The following STON2 variants were observed in gnomAD, a reference collection of about 807,000 sequenced individuals.
STON2 encodes stonin 2.
STON2 carries 29 observed loss-of-function variants against 65.7 expected under a neutral mutation model. The observed-to-expected ratio is 0.44, with a 90% confidence interval of 0.33 to 0.60. STON2 has a LOEUF of 0.60. STON2 is among the 20% of genes least tolerant of loss of function. The pLI, the probability that STON2 is intolerant of heterozygous loss-of-function variation, is 0.03. For missense variants in STON2, 1,054 were observed against 1,118.1 expected (o/e 0.94, Z 0.82); for synonymous variants, 404 against 414.2 (o/e 0.98, Z 0.30).
chr14:81,304,219 A>G (rs901762929), intron 5 of STON2, among the ~76,000 whole-genome samples: 21 of 152,102 alleles, frequency 1.4e-4, no homozygotes, highest in African/African-American at 4.8e-4. Flanking sequence ...CCACACACCT[A>G]TTATGGAGGA....
Position 81,260,736 on chromosome 14 carries a change from C to T in STON2, c.*7678G>A, listed in dbSNP as rs1385966568. On this transcript the variant is annotated 3_prime_UTR_variant, in exon 8 of 8. Coordinates refer to ENST00000614646, the MANE Select transcript of STON2 (RefSeq NM_001394390.1). The stretch of plus-strand genomic sequence containing the variant: ...AGTAGAACAACTAAAAACAAAACCT[C>T]ACCTCTACAGAGATAGCCAGTGTGT... 1.3e-5 allele frequency: 2 copies of T among 151,950 alleles called. No homozygotes were observed. Among genetic ancestry groups the T allele is most frequent in the African/African-American group, 4.8e-5 (2 of 41,320 alleles). The allele number at this position is 151,950 out of a possible 1,614,324, so 9.4% of individuals were successfully genotyped here.
chr14:81,310,167 T>C (rs1366537195), intron 5 of STON2, among the ~76,000 whole-genome samples: 1 of 152,200 alleles, frequency 6.6e-6, no homozygotes, highest in African/African-American at 2.4e-5. Context: ...GTCACCCAAC[T>C]TTGGCCAGAA....
At chr14:81,367,458 C>T (rs567539754) in intron 4 of STON2, among the ~76,000 whole-genome samples, 41 of 152,228 alleles carry the variant, frequency 2.7e-4, no homozygotes, top group African/African-American at 9.9e-4. Flanking sequence ...AATACAGGCA[C>T]GAGCCACCAT....
At chr14:81,330,820 A>G (rs1051804478) in intron 4 of STON2, among the ~76,000 whole-genome samples, 5 of 152,220 alleles carry the variant, frequency 3.3e-5, no homozygotes, top group Admixed American at 1.3e-4. Context: ...TGCATGCCCA[A>G]GGATTAGCTG....
upstream of STON2, among the ~76,000 whole-genome samples, chr14:81,405,122 A>G (rs61371894): frequency 0.028 from 4,252 of 152,110 alleles, 205 homozygotes; most frequent in African/African-American, 0.097. Context: ...CTGTATGTCC[A>G]TTTTTTCATT....
At chr14:81,432,548 A>C (rs1902264811) in intron 1 of STON2, among the ~76,000 whole-genome samples, 1 of 152,234 alleles carries the variant, frequency 6.6e-6, no homozygotes, top group Admixed American at 6.5e-5. Flanking sequence ...AAGAAATTAT[A>C]GCTGGAATGA....
At chr14:81,400,610 G>A (rs375179828), upstream of STON2, among the ~76,000 whole-genome samples, 1 of 152,104 alleles carries the variant, frequency 6.6e-6, no homozygotes, top group South Asian at 2.1e-4. Flanking sequence ...AGTGGGGTAG[G>A]GAAGAGAACA....
Position 81,263,537 on chromosome 14 carries a change from C to CAA in STON2, c.*4875_*4876dup, listed in dbSNP as rs59359589. The stretch of plus-strand genomic sequence containing the variant: ...TGGGTGACAGACTGAGACTCCGTCT[C>CAA]AAAAAAAAAAAAAAAAAAAAAAACA... On this transcript the variant is annotated 3_prime_UTR_variant, in exon 8 of 8. Coordinates refer to ENST00000614646, the MANE Select transcript of STON2 (RefSeq NM_001394390.1). 0.021 allele frequency: 1,653 copies of CAA among 80,136 alleles called. 68 individuals are homozygous for CAA. Among genetic ancestry groups the CAA allele is most frequent in the African/African-American group, 0.03 (639 of 20,982 alleles). 5.0% of individuals were successfully genotyped at this position (80,136 alleles called of 1,614,324 possible).
intron 5 of STON2, among the ~76,000 whole-genome samples, chr14:81,319,855 A>C (rs1277461747): frequency 1.3e-5 from 2 of 152,208 alleles, no homozygotes; most frequent in South Asian, 2.1e-4. Context: ...CCAGTGACTG[A>C]ATCTCTTCTA....
At chr14:81,358,542 T>C (rs967358089) in intron 4 of STON2, among the ~76,000 whole-genome samples, 1 of 152,174 alleles carries the variant, frequency 6.6e-6, no homozygotes, top group Admixed American at 6.5e-5. Context: ...GGTAAGTTTT[T>C]ACCTATTAAT....
intron 5 of STON2, among the ~76,000 whole-genome samples, chr14:81,286,684 T>C (rs1039005072): frequency 3.3e-5 from 5 of 152,236 alleles, no homozygotes; most frequent in African/African-American, 9.6e-5. Context: ...TGTATGCCTG[T>C]ACTTAAAACT....
At chr14:81,406,204 T>C (rs1900851147) in intron 2 of STON2, among the ~76,000 whole-genome samples, 1 of 152,216 alleles carries the variant, frequency 6.6e-6, no homozygotes, top group African/African-American at 2.4e-5. Context: ...GACAGCCTAC[T>C]GTGGGACTTC....
chr14:81,292,186 C>T (rs1246587728), intron 5 of STON2, among the ~76,000 whole-genome samples: 2 of 152,160 alleles, frequency 1.3e-5, no homozygotes, highest in African/African-American at 4.8e-5. Flanking sequence ...AACCAGCATT[C>T]CAATTCTGCA....
chr14:81,263,892 T>C lies in STON2; in HGVS notation c.*4522A>G. On this transcript the variant is annotated 3_prime_UTR_variant, in exon 8 of 8. Coordinates refer to ENST00000614646, the MANE Select transcript of STON2 (RefSeq NM_001394390.1). ...ACCACTAAACTTATGGTGAAATATA[T>C]ATCACCTCTGAAATCATGACTTTAT... The C allele has an allele frequency of 1.0e-6, 1 of 985,452 alleles. No individual in the cohort carries two copies. The highest frequency in any genetic ancestry group is 1.2e-6 in the Non-Finnish European group (1 of 829,936). 61.0% of individuals were successfully genotyped at this position (985,452 alleles called of 1,614,324 possible).
At chr14:81,272,546 A>G (rs1374776605) in intron 6 of STON2, among the ~76,000 whole-genome samples, 1 of 152,240 alleles carries the variant, frequency 6.6e-6, no homozygotes. Context: ...CCGCTCTCCA[A>G]GGAAAACATT....
intron 5 of STON2, among the ~76,000 whole-genome samples, chr14:81,288,331 C>T (rs951027523): frequency 1.3e-5 from 2 of 152,122 alleles, no homozygotes; most frequent in African/African-American, 4.8e-5. Flanking sequence ...TGTAGTTACA[C>T]ACACCTAGGT....
At chr14:81,411,070 T>C (rs1901132442) in intron 2 of STON2, among the ~76,000 whole-genome samples, 1 of 152,256 alleles carries the variant, frequency 6.6e-6, no homozygotes, top group African/African-American at 2.4e-5. Context: ...GGTTGCCTTT[T>C]CAGAGACATG....
intron 2 of STON2, 38 bp from the exon 3 acceptor site, chr14:81,396,216 G>C: frequency 1.3e-6 from 2 of 1,558,528 alleles, no homozygotes; most frequent in African/African-American, 2.7e-5. Context: ...ATGTGAGGAA[G>C]GCCGCTCTTC....
chr14:81,280,478 C>A (rs991057443), intron 5 of STON2, among the ~76,000 whole-genome samples: 1 of 152,164 alleles, frequency 6.6e-6, no homozygotes, highest in Non-Finnish European at 1.5e-5. Context: ...CTGCTACCAT[C>A]CTACCCACTG....
Sources: allele counts gnomAD v4.1 joint callset (sites outside exome capture counted in the v4.1 genomes callset), GRCh38; gene constraint gnomAD v4.1.1; transcripts MANE v1.5; gene names NCBI Gene and HGNC (gene_info 2026-07-23, HGNC 2026-07-21).